Variants in KAZN observed in about 807,000 individuals in gnomAD.
KAZN encodes kazrin.
KAZN carries 40 observed loss-of-function variants against 87.4 expected under a neutral mutation model. That is an observed-to-expected ratio of 0.46 (90% confidence interval 0.36 to 0.60). The LOEUF is 0.60. Among genes scored for constraint, KAZN ranks in the 20% least tolerant of loss-of-function variants. The probability of loss-of-function intolerance (pLI) is 0.00; values close to 1 mark genes in which losing one functional copy is unlikely to be tolerated. For synonymous variants in KAZN, 466 were observed against 458.3 expected (o/e 1.02, Z -0.22); for missense variants, 898 against 1,073.9 (o/e 0.84, Z 2.29).
At chr1:14,561,341 G>T (rs981349619) in intron 2 of KAZN, among the ~76,000 whole-genome samples, 1 of 152,238 alleles carries the variant, frequency 6.6e-6, no homozygotes, top group South Asian at 2.1e-4. Context: ...GGAAGGGACA[G>T]AAAAGGCATT....
At position 14,598,686 on chromosome 1, in the gene KAZN, T is replaced by G; in HGVS notation, c.-312T>G. ...GAGTGCCTGGTGGCGCGCGGTGTCC[T>G]TCTTGGAGCAGCTCTCGGCGCCCGC... On this transcript the variant is annotated 5_prime_UTR_variant, in exon 1 of 15. Coordinates refer to ENST00000376030, the MANE Select transcript of KAZN (RefSeq NM_201628.3). This position sits in a 1 kb window ranked among gnomAD's most constrained non-coding sequence, Gnocchi z 4.2. The G allele has an allele frequency of 7.8e-7, 1 of 1,288,534 alleles. No homozygotes were observed. Among genetic ancestry groups the G allele is most frequent in the Non-Finnish European group, 9.8e-7 (1 of 1,023,928 alleles). The allele number at this position is 1,288,534 out of a possible 1,614,324, so 79.8% of individuals were successfully genotyped here.
intron 1 of KAZN, among the ~76,000 whole-genome samples, chr1:13,986,844 C>T (rs1274179491): frequency 6.6e-6 from 1 of 152,184 alleles, no homozygotes; most frequent in Non-Finnish European, 1.5e-5. Flanking sequence ...GGGTTGTCCT[C>T]ATTTAGACTC....
At chr1:14,930,076 G>A in intron 1 of KAZN, 1 of 985,548 alleles carries the variant, frequency 1.0e-6, no homozygotes, top group Non-Finnish European at 1.2e-6. Context: ...TCCCAGCCCT[G>A]AACTGGCTGA....
At chr1:14,641,078 A>G (rs1320029172) in intron 1 of KAZN, among the ~76,000 whole-genome samples, 1 of 152,216 alleles carries the variant, frequency 6.6e-6, no homozygotes. Context: ...GTCCTGGGTC[A>G]TTCATTTGCA....
chr1:13,917,814 A>C (rs1000886085), intron 1 of KAZN, among the ~76,000 whole-genome samples: 6 of 149,660 alleles, frequency 4.0e-5, no homozygotes, highest in Non-Finnish European at 8.9e-5. Context: ...AAAAAAAAAA[A>C]AAAAAGGAAA....
chr1:13,900,339 C>T (rs757089982), intron 1 of KAZN, among the ~76,000 whole-genome samples: 1 of 152,124 alleles, frequency 6.6e-6, no homozygotes, highest in East Asian at 1.9e-4. Context: ...CCCTCCCTGC[C>T]CAATCCCTCA....
chr1:14,836,584 C>A (rs1444677302), intron 1 of KAZN, among the ~76,000 whole-genome samples: 1 of 152,096 alleles, frequency 6.6e-6, no homozygotes, highest in African/African-American at 2.4e-5. Flanking sequence ...CTTTCCAGAC[C>A]CACTTTGGTC....
At chr1:14,719,059 T>A (rs2100270517) in intron 1 of KAZN, among the ~76,000 whole-genome samples, 1 of 152,264 alleles carries the variant, frequency 6.6e-6, no homozygotes, top group East Asian at 1.9e-4. Context: ...GCTCCCATCA[T>A]AATCTACCCA....
chr1:13,965,319 T>A (rs1641903325), intron 1 of KAZN, among the ~76,000 whole-genome samples: 1 of 152,004 alleles, frequency 6.6e-6, no homozygotes, highest in Non-Finnish European at 1.5e-5. Context: ...CCTGGGAAAT[T>A]CACAGCACCT....
intron 1 of KAZN, among the ~76,000 whole-genome samples, chr1:13,964,823 C>A (rs1227556897): frequency 6.6e-6 from 1 of 152,168 alleles, no homozygotes; most frequent in Non-Finnish European, 1.5e-5. Flanking sequence ...TGTGGTCACT[C>A]TTGCAGTCAA....
chr1:14,342,262 G>A (rs538152204), intron 2 of KAZN, among the ~76,000 whole-genome samples: 134 of 152,226 alleles, frequency 8.8e-4, no homozygotes, highest in African/African-American at 2.8e-3. Context: ...TTGATTCCAC[G>A]TCTGTGCTAT....
At chr1:15,033,268 T>C (rs554471561) in intron 2 of KAZN, among the ~76,000 whole-genome samples, 64 of 152,352 alleles carry the variant, frequency 4.2e-4, no homozygotes, top group African/African-American at 1.4e-3. Flanking sequence ...TTATTTATTA[T>C]TAGGTAATAT....
chr1:14,381,704 C>A (rs1002031047), intron 2 of KAZN, among the ~76,000 whole-genome samples: 1 of 152,092 alleles, frequency 6.6e-6, no homozygotes, highest in Non-Finnish European at 1.5e-5. Flanking sequence ...ATATAAAAGA[C>A]CAATAGTTAA....
intron 1 of KAZN, among the ~76,000 whole-genome samples, chr1:14,828,579 T>G (rs1203644163): frequency 2.6e-5 from 4 of 152,150 alleles, no homozygotes; most frequent in Non-Finnish European, 5.9e-5. Context: ...GTTGGCAATT[T>G]TAAGTTGCGG....
At chr1:14,738,965 G>A (rs1013315897) in intron 1 of KAZN, among the ~76,000 whole-genome samples, 1 of 152,094 alleles carries the variant, frequency 6.6e-6, no homozygotes, top group African/African-American at 2.4e-5. Flanking sequence ...TTGGGGCCAT[G>A]GATTCAAGAC....
chr1:14,963,425 T>C (rs1040391240), intron 2 of KAZN, among the ~76,000 whole-genome samples: 1 of 152,140 alleles, frequency 6.6e-6, no homozygotes, highest in Non-Finnish European at 1.5e-5. Context: ...AAGCAGAGAC[T>C]TTTTCCCACT....
intron 2 of KAZN, among the ~76,000 whole-genome samples, chr1:14,227,275 G>C (rs1647374442): frequency 6.6e-6 from 1 of 152,142 alleles, no homozygotes; most frequent in African/African-American, 2.4e-5. Context: ...ATCATTTTAT[G>C]ATGCTTTTGG....
chr1:14,113,937 C>T (rs1030384695), intron 1 of KAZN, among the ~76,000 whole-genome samples: 1 of 152,176 alleles, frequency 6.6e-6, no homozygotes, highest in Admixed American at 6.5e-5. Context: ...GGGTGTTTGC[C>T]TGGAGTCTGC....
chr1:15,042,926 C>G (rs75929230), intron 3 of KAZN, among the ~76,000 whole-genome samples: 2,718 of 152,308 alleles, frequency 0.018, 36 homozygotes, highest in African/African-American at 0.032. Flanking sequence ...CTGGGACTGT[C>G]CTTCTCAAAA....
Sources: gnomAD v4.1 joint callset for allele counts (sites outside exome capture counted in the v4.1 genomes callset) on GRCh38, gnomAD v4.1.1 for gene constraint, Gnocchi (gnomAD v3.1) non-coding constraint, MANE v1.5 for transcripts, NCBI Gene and HGNC (gene_info 2026-07-23, HGNC 2026-07-21) for gene names.